RAB27B: variants seen among roughly 807,000 people sequenced by gnomAD.
The protein encoded by RAB27B is RAB27B, member RAS oncogene family, also known as ras-related protein Rab-27B.
A neutral mutation model predicts 24.6 loss-of-function variants in RAB27B; 15 were observed. The observed-to-expected ratio is 0.61, with a 90% CI of 0.41 to 0.94. RAB27B has a LOEUF of 0.94. Among genes scored for constraint, RAB27B ranks in the 40% least tolerant of loss-of-function variants. The pLI is 0.00. For missense variants in RAB27B, 261 were observed against 266.8 expected, an observed-to-expected ratio of 0.98 and a Z score of 0.15; for synonymous variants, 105 against 92.5, an observed-to-expected ratio of 1.14 and a Z score of -0.78.
rs183938679 is a variant in RAB27B, at chr18:54,791,953, C to T, written c.-20+73812C>T. Among the ~76,000 whole-genome samples, 7 of 152,334 alleles carry T rather than the reference C, an allele frequency of 4.6e-5. No individual in the cohort carries two copies. The East Asian group carries it at 1.4e-3, about 30-fold the overall frequency. ...ACTCCAGGGGAAAACCATCTCCCTT[C>T]TGGCTCTCCATGGTGGGACAGCTCC... is the stretch of plus-strand genomic sequence containing the variant. On this transcript the variant is annotated intron_variant, in intron 2 of 4. Coordinates refer to the RAB27B transcript ENST00000586570.
At chr18:54,861,618 G>A (rs11665301) in intron 1 of RAB27B, among the ~76,000 whole-genome samples, 35,848 of 152,120 alleles carry the variant, frequency 0.24, 4,325 homozygotes, top group South Asian at 0.37. Context: ...TTCATTGGCA[G>A]TGAGGAGTTT....
Position 54,877,716 on chromosome 18 carries a change from T to A in RAB27B, c.131T>A (p.Ile44Lys). Residue 44 changes from isoleucine to lysine, a missense_variant, in exon 2 of 6, where the codon ATA becomes AAA. By Grantham distance (102) the Ile-to-Lys change is moderately radical. Transcript: ENST00000262094. ...FNPKFITTVGIDFREKRVVYN... is the reference protein window; with the variant it reads ...FNPKFITTVGKDFREKRVVYN... Reference sequence around the variant, plus strand: ...CCCAAATTCATCACTACAGTAGGAATAGACTTTCGGGAAAAACGTGTGGTG... The same window carrying A: ...CCCAAATTCATCACTACAGTAGGAAAAGACTTTCGGGAAAAACGTGTGGTG... The A allele has an allele frequency of 6.3e-7, 1 of 1,585,782 alleles. No individual in the cohort carries two copies. The highest frequency in any genetic ancestry group is 2.3e-5 in the East Asian group (1 of 42,936).
At chr18:54,873,855 A>G (rs888021565) in intron 1 of RAB27B, among the ~76,000 whole-genome samples, 1 of 152,148 alleles carries the variant, frequency 6.6e-6, no homozygotes, top group African/African-American at 2.4e-5. Context: ...CTAGCTTAAT[A>G]TGTCAAATAG....
At chr18:54,878,553 G>A (rs1262795975) in intron 2 of RAB27B, among the ~76,000 whole-genome samples, 1 of 152,136 alleles carries the variant, frequency 6.6e-6, no homozygotes, top group East Asian at 1.9e-4. Flanking sequence ...GACCTGATCT[G>A]AAAGTCAATA....
Position 54,799,344 on chromosome 18 carries a change from G to A in RAB27B, c.-19-78223G>A, listed in dbSNP as rs551588199. 7.9e-5 allele frequency among the ~76,000 whole-genome samples: 12 copies of A among 152,214 alleles called. No homozygotes were observed. The East Asian group carries it at 2.3e-3, about 29-fold the overall frequency. On this transcript the variant is annotated intron_variant, in intron 2 of 4. Coordinates refer to the RAB27B transcript ENST00000586570. Reference sequence around the variant, plus strand: ...TTCTCTCAGACTTAAGGAGAAACAAGTAAATCAACTGGAATTTTCTTGATT... The same window carrying A: ...TTCTCTCAGACTTAAGGAGAAACAAATAAATCAACTGGAATTTTCTTGATT...
chr18:54,804,928 TTCTTTCTTTCTTTCTTTCTTTCTTTC>T (rs1568072758), intron 2 of RAB27B, among the ~76,000 whole-genome samples: 5 of 84,936 alleles, frequency 5.9e-5, no homozygotes, highest in African/African-American at 9.6e-5. Flanking sequence ...CTTTCTTTCT[TTCTTTCTTTCTTTCTTTCTTTCTTTC>T]TCTTTCTTTC....
intron 5 of RAB27B, among the ~76,000 whole-genome samples, chr18:54,888,360 C>T (rs969965585): frequency 6.6e-6 from 1 of 152,050 alleles, no homozygotes; most frequent in African/African-American, 2.4e-5. Context: ...CATTTTAACC[C>T]ATCATAACTA....
intron 2 of RAB27B, among the ~76,000 whole-genome samples, chr18:54,810,718 T>G (rs1425264292): frequency 1.3e-5 from 2 of 151,902 alleles, no homozygotes; most frequent in African/African-American, 4.8e-5. Flanking sequence ...TAATCTCAGC[T>G]GCTTGGGAGG....
intron 2 of RAB27B, among the ~76,000 whole-genome samples, chr18:54,742,928 A>C (rs1034730501): frequency 6.6e-6 from 1 of 152,208 alleles, no homozygotes; most frequent in African/African-American, 2.4e-5. Flanking sequence ...AGCTTTTGGC[A>C]GGATGACCAG....
intron 1 of RAB27B, among the ~76,000 whole-genome samples, chr18:54,843,443 A>G (rs1034843796): frequency 4.6e-5 from 7 of 152,198 alleles, no homozygotes; most frequent in African/African-American, 1.4e-4. Context: ...TTACACTTGA[A>G]GAGTCATTTT....
intron 2 of RAB27B, among the ~76,000 whole-genome samples, chr18:54,810,345 T>C (rs1205874000): frequency 6.6e-6 from 1 of 152,204 alleles, no homozygotes; most frequent in African/African-American, 2.4e-5. Context: ...ATCAGAAATT[T>C]CTACCAAAGT....
chr18:54,789,751 G>A (rs1909192711), intron 2 of RAB27B, among the ~76,000 whole-genome samples: 1 of 151,978 alleles, frequency 6.6e-6, no homozygotes, highest in African/African-American at 2.4e-5. Context: ...CACAAGGACT[G>A]GTTATGTTAA....
chr18:54,873,086 A>G (rs1912542875), intron 1 of RAB27B, among the ~76,000 whole-genome samples: 1 of 151,886 alleles, frequency 6.6e-6, no homozygotes, highest in Non-Finnish European at 1.5e-5. Context: ...CATATAAAAT[A>G]AAAATATTCC....
chr18:54,824,546 G>A (rs1230751399), upstream of RAB27B, among the ~76,000 whole-genome samples: 1 of 152,172 alleles, frequency 6.6e-6, no homozygotes, highest in Non-Finnish European at 1.5e-5. Flanking sequence ...CTCTTCGTTG[G>A]TTCTTCGCAT....
intron 1 of RAB27B, among the ~76,000 whole-genome samples, chr18:54,829,534 T>C (rs1910594404): frequency 6.6e-6 from 1 of 152,236 alleles, no homozygotes; most frequent in Admixed American, 6.5e-5. Flanking sequence ...ATTTCAAGGT[T>C]ATTAACAACA....
chr18:54,794,429 G>A (rs538643082), intron 2 of RAB27B, among the ~76,000 whole-genome samples: 2 of 152,324 alleles, frequency 1.3e-5, no homozygotes, highest in South Asian at 4.1e-4. Context: ...TGTATTAAAG[G>A]TGTGCCTTTT....
chr18:54,813,149 T>G (rs1910019679), intron 2 of RAB27B, among the ~76,000 whole-genome samples: 1 of 152,186 alleles, frequency 6.6e-6, no homozygotes, highest in Non-Finnish European at 1.5e-5. Flanking sequence ...GAAGGGGTTT[T>G]CTTTACTCTT....
chr18:54,728,035 A>G (rs7239164), intron 2 of RAB27B, among the ~76,000 whole-genome samples: 118,982 of 152,054 alleles, frequency 0.78, 46,841 homozygotes, highest in Middle Eastern at 0.9. Context: ...TAAGAATAAG[A>G]GGACTTACAC....
chr18:54,741,981 C>T (rs1910087560), intron 2 of RAB27B, among the ~76,000 whole-genome samples: 2 of 152,188 alleles, frequency 1.3e-5, no homozygotes, highest in African/African-American at 4.8e-5. Context: ...CTGGCAAAAT[C>T]AGTCTTAAGG....
Sources: gnomAD v4.1 joint callset for allele counts (sites outside exome capture counted in the v4.1 genomes callset) on GRCh38, gnomAD v4.1.1 for gene constraint, MANE v1.5 for transcripts, NCBI Gene and HGNC (gene_info 2026-07-23, HGNC 2026-07-21) for gene names.